The following PEX7 variants were observed in gnomAD, a reference collection of about 807,000 sequenced individuals.
The protein encoded by PEX7 is PTS2 receptor.
Under a neutral mutation model 47.5 loss-of-function variants are expected in PEX7, and 34 were observed. The observed-to-expected ratio is 0.72, with a 90% confidence interval of 0.54 to 0.95. The LOEUF (loss-of-function observed/expected upper bound fraction) is 0.95. Ranked by LOEUF, PEX7 falls within the 40% of genes least tolerant of loss-of-function variation. The probability of loss-of-function intolerance (pLI) is 0.00; values close to 1 mark genes in which losing one functional copy is unlikely to be tolerated. For missense variants in PEX7, 394 were observed against 400.3 expected (o/e 0.98, Z 0.13); for synonymous variants, 141 against 148.8 (o/e 0.95, Z 0.38).
At chr6:136,858,321 A>C (rs1774899182) in intron 5 of PEX7, among the ~76,000 whole-genome samples, 1 of 152,224 alleles carries the variant, frequency 6.6e-6, no homozygotes, top group Non-Finnish European at 1.5e-5. Flanking sequence ...CTTGAGGACC[A>C]TCAGAATGGC....
intron 8 of PEX7, among the ~76,000 whole-genome samples, chr6:136,880,367 T>C (rs1369418785): frequency 6.6e-6 from 1 of 152,138 alleles, no homozygotes; most frequent in Non-Finnish European, 1.5e-5. Context: ...TAATCTAATC[T>C]TTATTATGCC....
chr6:136,879,203 A>G (rs1420924915), intron 8 of PEX7, among the ~76,000 whole-genome samples: 2 of 152,122 alleles, frequency 1.3e-5, no homozygotes, highest in Non-Finnish European at 2.9e-5. Context: ...TTAAGTGTAT[A>G]ATTAAATATA....
At chr6:136,829,487 C>T (rs188730790) in intron 3 of PEX7, among the ~76,000 whole-genome samples, 12 of 152,164 alleles carry the variant, frequency 7.9e-5, no homozygotes, top group African/African-American at 1.4e-4. Flanking sequence ...AGAGGCCCTA[C>T]GTCCTAAAAC....
At chr6:136,862,665 C>T (rs1774988592) in intron 5 of PEX7, among the ~76,000 whole-genome samples, 1 of 152,196 alleles carries the variant, frequency 6.6e-6, no homozygotes, top group Non-Finnish European at 1.5e-5. Flanking sequence ...TGTAAACCAT[C>T]ATGCCCAGCC....
intron 9 of PEX7, among the ~76,000 whole-genome samples, chr6:136,911,382 A>G (rs1241373727): frequency 6.6e-6 from 1 of 151,848 alleles, no homozygotes; most frequent in African/African-American, 2.4e-5. Context: ...TTTGTTACCG[A>G]TTCTTTTGTT....
intron 5 of PEX7, among the ~76,000 whole-genome samples, chr6:136,861,842 C>T (rs1367501795): frequency 6.7e-6 from 1 of 149,132 alleles, no homozygotes; most frequent in African/African-American, 2.5e-5. Context: ...GACACATGGC[C>T]ACTAGTGGCT....
At chr6:136,829,473 C>T (rs537970096) in intron 3 of PEX7, among the ~76,000 whole-genome samples, 2 of 152,144 alleles carry the variant, frequency 1.3e-5, no homozygotes, top group Non-Finnish European at 2.9e-5. Flanking sequence ...CCTAATTACC[C>T]CCCAGAGGCC....
intron 3 of PEX7, among the ~76,000 whole-genome samples, chr6:136,835,323 G>C (rs1342414027): frequency 7.0e-6 from 1 of 143,236 alleles, no homozygotes; most frequent in South Asian, 2.2e-4. Flanking sequence ...AAGTCTTCCT[G>C]TCTTGCCCAG....
At chr6:136,832,634 G>A (rs530891478) in intron 3 of PEX7, among the ~76,000 whole-genome samples, 1 of 152,244 alleles carries the variant, frequency 6.6e-6, no homozygotes, top group African/African-American at 2.4e-5. Flanking sequence ...ATCTCTTCAT[G>A]AATGCATGTG....
chr6:136,893,389 C>T (rs570634766), intron 8 of PEX7, among the ~76,000 whole-genome samples: 1 of 152,326 alleles, frequency 6.6e-6, no homozygotes, highest in African/African-American at 2.4e-5. Flanking sequence ...TGGCTAACTC[C>T]TCAACCTTCA....
chr6:136,850,294 G>A (rs1167315199), intron 5 of PEX7, among the ~76,000 whole-genome samples: 2 of 151,894 alleles, frequency 1.3e-5, no homozygotes, highest in Non-Finnish European at 2.9e-5. Context: ...CCCACTGATG[G>A]GTCTTGACTC....
At chr6:136,830,552 C>T (rs1389430426) in intron 3 of PEX7, among the ~76,000 whole-genome samples, 1 of 152,176 alleles carries the variant, frequency 6.6e-6, no homozygotes, top group Non-Finnish European at 1.5e-5. Context: ...CTGGTGTCTG[C>T]AGAGGTCATT....
chr6:136,885,160 A>T (rs1431270505), intron 8 of PEX7, among the ~76,000 whole-genome samples: 1 of 152,220 alleles, frequency 6.6e-6, no homozygotes, highest in Non-Finnish European at 1.5e-5. Flanking sequence ...GTTATAATTC[A>T]TAGTTTTTTT....
intron 8 of PEX7, among the ~76,000 whole-genome samples, chr6:136,890,374 G>A (rs1775533667): frequency 6.6e-6 from 1 of 152,164 alleles, no homozygotes; most frequent in African/African-American, 2.4e-5. Context: ...GCAGAAGCAC[G>A]GTGTGCAGTG....
chr6:136,884,607 T>C (rs1382103796), intron 8 of PEX7, among the ~76,000 whole-genome samples: 1 of 126,310 alleles, frequency 7.9e-6, no homozygotes, highest in Non-Finnish European at 1.7e-5. Context: ...TTTTAGAAAA[T>C]GTAAGTTTCA....
chr6:136,827,446 G>A (rs780228066), intron 3 of PEX7, among the ~76,000 whole-genome samples: 4 of 151,880 alleles, frequency 2.6e-5, no homozygotes, highest in African/African-American at 4.8e-5. Flanking sequence ...ATCAATGCAC[G>A]AATCTCTACA....
intron 5 of PEX7, among the ~76,000 whole-genome samples, chr6:136,856,368 G>A (rs1260282240): frequency 6.6e-6 from 1 of 150,716 alleles, no homozygotes; most frequent in Non-Finnish European, 1.5e-5. Flanking sequence ...GCTCACATAA[G>A]TGAAAAGTTC....
Position 136,913,595 on chromosome 6 carries a change from A to C in PEX7, c.*69A>C. On this transcript the variant is annotated 3_prime_UTR_variant, in exon 10 of 10. Coordinates refer to ENST00000318471, the MANE Select transcript of PEX7 (RefSeq NM_000288.4). ...CTGCCTAACAGCAAATAAATTAACT[A>C]TGGAAAACATAGACATTATGCTTTT... 1 of 981,098 alleles carries C rather than the reference A, an allele frequency of 1.0e-6. No homozygotes were observed. The highest frequency in any genetic ancestry group is 1.7e-6 in the Non-Finnish European group (1 of 605,026). 60.8% of individuals were successfully genotyped at this position (981,098 alleles called of 1,614,324 possible). A position where few individuals can be genotyped will look rare whatever the true frequency, so the allele number is the denominator to read the frequency against.
At chr6:136,831,985 C>T (rs772133462) in intron 3 of PEX7, among the ~76,000 whole-genome samples, 4 of 152,240 alleles carry the variant, frequency 2.6e-5, no homozygotes, top group Non-Finnish European at 5.9e-5. Context: ...GCTCTCTCCT[C>T]ACAACTCCAG....
Sources: allele counts gnomAD v4.1 joint callset (sites outside exome capture counted in the v4.1 genomes callset), GRCh38; gene constraint gnomAD v4.1.1; transcripts MANE v1.5; gene names NCBI Gene and HGNC (gene_info 2026-07-23, HGNC 2026-07-21).